The following SORCS1 variants were observed in gnomAD, a reference collection of about 807,000 sequenced individuals.
The protein encoded by SORCS1 is sortilin related VPS10 domain containing receptor 1.
Under a neutral mutation model 146.1 loss-of-function variants are expected in SORCS1, and 60 were observed. That is an observed-to-expected ratio of 0.41 (90% CI 0.33 to 0.51). The LOEUF is 0.51. Among genes scored for constraint, SORCS1 ranks in the 20% least tolerant of loss-of-function variants. SORCS1 has a pLI of 0.21. For missense variants in SORCS1, 1,352 were observed against 1,487.6 expected (o/e 0.91, Z 1.50); for synonymous variants, 637 against 584.0 (o/e 1.09, Z -1.31).
intron 5 of SORCS1, among the ~76,000 whole-genome samples, chr10:106,751,393 G>A (rs1160254997): frequency 6.6e-6 from 1 of 152,156 alleles, no homozygotes; most frequent in East Asian, 1.9e-4. Context: ...AGCGAACAAA[G>A]TCCATTCTCA....
At position 106,579,353 on chromosome 10, in the gene SORCS1, A is replaced by T. The variant is rs748511950; in HGVS notation, c.3371+16T>A. On this transcript the variant is annotated intron_variant, in intron 25 of 25. Coordinates refer to ENST00000263054, the MANE Select transcript of SORCS1 (RefSeq NM_052918.5). ...AGAGGTCAGGGGTGGGGGAACGTGGATAGAGGGACACGCACCTTTTAAACT... is the reference window on the plus strand; with the variant it reads ...AGAGGTCAGGGGTGGGGGAACGTGGTTAGAGGGACACGCACCTTTTAAACT... The T allele has an allele frequency of 2.4e-5, 38 of 1,613,842 alleles. No homozygotes were observed. The East Asian group carries it at 7.4e-4, about 31-fold the overall frequency.
chr10:106,995,787 TA>T lies in SORCS1; in HGVS notation c.559-39208del, dbSNP rs891474121. On this transcript the variant is annotated intron_variant, in intron 1 of 25. Coordinates refer to ENST00000263054, the MANE Select transcript of SORCS1 (RefSeq NM_052918.5). The stretch of plus-strand genomic sequence containing the variant: ...AATAATACAATGCTAAGTGATAATT[TA>T]AAAAAAAACAAAATCATGATTTTCA... 8.6e-5 allele frequency among the ~76,000 whole-genome samples: 13 copies of T among 150,836 alleles called. No homozygotes were observed. In the South Asian group the frequency reaches 1.5e-3, roughly 17 times the overall value.
At chr10:106,839,113 T>C (rs1948912021) in intron 2 of SORCS1, among the ~76,000 whole-genome samples, 1 of 152,106 alleles carries the variant, frequency 6.6e-6, no homozygotes, top group Non-Finnish European at 1.5e-5. Context: ...TACAATGTCT[T>C]CTAAGTGTTC....
chr10:106,955,912 G>A (rs1954916408), intron 2 of SORCS1, among the ~76,000 whole-genome samples: 1 of 152,144 alleles, frequency 6.6e-6, no homozygotes, highest in East Asian at 1.9e-4. Flanking sequence ...CAGATCACCT[G>A]AGGTTGGAAG....
chr10:107,117,122 C>A (rs1966089601), intron 1 of SORCS1, among the ~76,000 whole-genome samples: 1 of 152,048 alleles, frequency 6.6e-6, no homozygotes, highest in African/African-American at 2.4e-5. Flanking sequence ...CTTAGCCTAT[C>A]CCTATTGCAA....
intron 2 of SORCS1, among the ~76,000 whole-genome samples, chr10:106,859,833 C>T (rs1043413944): frequency 5.9e-5 from 9 of 152,168 alleles, no homozygotes; most frequent in African/African-American, 2.2e-4. Context: ...CGTTTGATCT[C>T]GCTTACCAGA....
chr10:106,605,351 T>C (rs1183352032), intron 23 of SORCS1, among the ~76,000 whole-genome samples: 3 of 152,130 alleles, frequency 2.0e-5, no homozygotes, highest in Admixed American at 6.5e-5. Flanking sequence ...CAAATAATGA[T>C]GTAGAAAATA....
chr10:107,164,228 G>C lies in SORCS1; in HGVS notation c.299C>G (p.Ala100Gly). Reference sequence around the variant, plus strand: ...CCTCCGGCCGGAGCGTGCAGCAACCGCCATGGATGCCCCAGTGCCCCGAGC... The same window carrying C: ...CCTCCGGCCGGAGCGTGCAGCAACCCCCATGGATGCCCCAGTGCCCCGAGC... ...ERARGTGASM[A>G]VAARSGRRRR... is the part of the protein sequence containing the mutation. The change falls in exon 1 of 26, where the codon GCG becomes GGG. Residue 100 changes from alanine to glycine, a missense_variant. Physicochemically the swap from Ala to Gly is moderately conservative, Grantham distance 60. Coordinates refer to ENST00000263054, the MANE Select transcript of SORCS1 (RefSeq NM_052918.5). This position sits in a 1 kb window ranked among gnomAD's most constrained non-coding sequence, Gnocchi z 6.8. The C allele has an allele frequency of 6.2e-7, 1 of 1,607,930 alleles. No individual in the cohort carries two copies. Among genetic ancestry groups the C allele is most frequent in the Non-Finnish European group, 8.5e-7 (1 of 1,179,802 alleles).
At chr10:106,898,279 T>C (rs1347635405) in intron 2 of SORCS1, among the ~76,000 whole-genome samples, 1 of 152,332 alleles carries the variant, frequency 6.6e-6, no homozygotes, top group South Asian at 2.1e-4. Context: ...TGCCCAATGA[T>C]GTCCTAAAAA....
chr10:106,734,079 C>T (rs754015488), intron 5 of SORCS1, among the ~76,000 whole-genome samples: 1 of 152,080 alleles, frequency 6.6e-6, no homozygotes, highest in Non-Finnish European at 1.5e-5. Flanking sequence ...TTCTGGGACT[C>T]AGAACCTCTC....
chr10:106,906,316 G>C (rs1951907609), intron 2 of SORCS1, among the ~76,000 whole-genome samples: 1 of 152,172 alleles, frequency 6.6e-6, no homozygotes, highest in Non-Finnish European at 1.5e-5. Context: ...GATTTGCCAT[G>C]TTGGCCAGGC....
intron 5 of SORCS1, among the ~76,000 whole-genome samples, chr10:106,757,245 T>G (rs1383128719): frequency 6.6e-6 from 1 of 152,018 alleles, no homozygotes; most frequent in Non-Finnish European, 1.5e-5. Flanking sequence ...GAGGAAAAAA[T>G]ATGAATTTGC....
intron 4 of SORCS1, among the ~76,000 whole-genome samples, chr10:106,769,556 A>T (rs1364300328): frequency 7.0e-6 from 1 of 143,474 alleles, no homozygotes; most frequent in African/African-American, 2.8e-5. Context: ...TTGTTTATAG[A>T]TATGTTTATA....
chr10:106,691,146 C>T (rs928098811), intron 9 of SORCS1, among the ~76,000 whole-genome samples: 7 of 152,156 alleles, frequency 4.6e-5, no homozygotes, highest in African/African-American at 1.7e-4. Flanking sequence ...TTCTAGATAA[C>T]CTCTCTGTAT....
chr10:106,641,657 A>C (rs958866011), intron 18 of SORCS1, among the ~76,000 whole-genome samples: 3 of 152,174 alleles, frequency 2.0e-5, no homozygotes, highest in African/African-American at 7.2e-5. Flanking sequence ...AGTTTCTATC[A>C]ATATGTTAGG....
intron 18 of SORCS1, among the ~76,000 whole-genome samples, chr10:106,637,888 G>A (rs1458228257): frequency 6.6e-6 from 1 of 152,178 alleles, no homozygotes; most frequent in African/African-American, 2.4e-5. Flanking sequence ...ATGGATGATA[G>A]TACCATGTAT....
At chr10:106,655,376 G>T (rs980164410) in intron 17 of SORCS1, among the ~76,000 whole-genome samples, 11 of 152,032 alleles carry the variant, frequency 7.2e-5, no homozygotes, top group African/African-American at 2.7e-4. Flanking sequence ...ATCAGAGACT[G>T]TCTACAGGTT....
chr10:106,719,901 C>T (rs1014081788), intron 6 of SORCS1, among the ~76,000 whole-genome samples: 1 of 152,218 alleles, frequency 6.6e-6, no homozygotes, highest in African/African-American at 2.4e-5. Flanking sequence ...CTCAGCCATG[C>T]TAAGCATCCT....
At position 107,039,332 on chromosome 10, in the gene SORCS1, G is replaced by GAAAAA. The variant is rs58915918; in HGVS notation, c.559-82757_559-82753dup. On this transcript the variant is annotated intron_variant, in intron 1 of 25. Transcript: ENST00000263054. ...ACAGAGAGACTCCATCTCAAATAAAGAAAAAAAAAAAAAAAAAAGGATGAC... is the reference window on the plus strand; with the variant it reads ...ACAGAGAGACTCCATCTCAAATAAAGAAAAAAAAAAAAAAAAAAAAAAAGGATGAC... Among the ~76,000 whole-genome samples, 83 of 109,926 alleles carry GAAAAA rather than the reference G, an allele frequency of 7.6e-4. 1 individual carries two copies. The highest frequency in any genetic ancestry group is 2.6e-3 in the African/African-American group (71 of 27,040). The allele number at this position is 109,926 out of a possible 152,430, so 72.1% of individuals were successfully genotyped here. A position where few individuals can be genotyped will look rare whatever the true frequency, so the allele number is the denominator to read the frequency against.
Sources: gnomAD v4.1 joint callset for allele counts (sites outside exome capture counted in the v4.1 genomes callset) on GRCh38, gnomAD v4.1.1 for gene constraint, Gnocchi (gnomAD v3.1) non-coding constraint, MANE v1.5 for transcripts, NCBI Gene and HGNC (gene_info 2026-07-23, HGNC 2026-07-21) for gene names.